MYO1E: variants seen among roughly 807,000 people sequenced by gnomAD.
The protein encoded by MYO1E is unconventional myosin-Ie.
In MYO1E, 68 loss-of-function variants were observed where a neutral mutation model predicts 151.1. That is an observed-to-expected ratio of 0.45 (90% confidence interval 0.37 to 0.55). MYO1E has a LOEUF of 0.55. MYO1E is among the 20% of genes least tolerant of loss of function. The pLI is 0.00. For missense variants in MYO1E, 1,363 were observed against 1,389.3 expected (o/e 0.98, Z 0.30); for synonymous variants, 601 against 501.7 (o/e 1.20, Z -2.64).
chr15:59,305,455 A>G (rs2080509450), intron 1 of MYO1E, among the ~76,000 whole-genome samples: 2 of 152,156 alleles, frequency 1.3e-5, no homozygotes, highest in South Asian at 4.1e-4. Flanking sequence ...TCAGCCTCCC[A>G]AAGTGCTAGG....
At chr15:59,195,273 C>T (rs1596360023) in intron 17 of MYO1E, among the ~76,000 whole-genome samples, 188 bp downstream of exon 17, 1 of 152,328 alleles carries the variant, frequency 6.6e-6, no homozygotes. Flanking sequence ...AATGGCACTG[C>T]TAACATTTTA....
chr15:59,176,157 C>G (rs1180949513), intron 19 of MYO1E, among the ~76,000 whole-genome samples: 1 of 152,172 alleles, frequency 6.6e-6, no homozygotes, highest in Non-Finnish European at 1.5e-5. Flanking sequence ...CTCCTGGGTT[C>G]ACGCCATTCT....
chr15:59,344,988 T>C (rs2140431260), intron 1 of MYO1E, among the ~76,000 whole-genome samples: 1 of 152,318 alleles, frequency 6.6e-6, no homozygotes, highest in Non-Finnish European at 1.5e-5. Context: ...TCAAAATAAC[T>C]TGAAGTACTT....
intron 1 of MYO1E, among the ~76,000 whole-genome samples, chr15:59,371,723 G>A (rs1031795418): frequency 6.6e-6 from 1 of 152,026 alleles, no homozygotes; most frequent in Admixed American, 6.5e-5. Context: ...GAAAAGCCCC[G>A]ATCCCCTCGC....
chr15:59,312,816 C>G (rs963773384), intron 1 of MYO1E, among the ~76,000 whole-genome samples: 1 of 151,966 alleles, frequency 6.6e-6, no homozygotes. Flanking sequence ...GTCTGGAGAT[C>G]GAGACCATCT....
chr15:59,348,540 T>G (rs1279840369), intron 1 of MYO1E: 2 of 152,222 alleles, frequency 1.3e-5, no homozygotes, highest in African/African-American at 4.8e-5. Context: ...GCCCAAGGGT[T>G]GTCATTTTTA....
At chr15:59,215,907 A>C (rs1002811136) in intron 10 of MYO1E, among the ~76,000 whole-genome samples, 1 of 152,128 alleles carries the variant, frequency 6.6e-6, no homozygotes, top group Non-Finnish European at 1.5e-5. Context: ...CCTTGGGCAA[A>C]ACCACCATTG....
At chr15:59,223,315 GAAAA>G (rs10711975) in intron 8 of MYO1E, 124 bp from the exon 9 acceptor site, 392 of 774,258 alleles carry the variant, frequency 5.1e-4, no homozygotes, top group Non-Finnish European at 5.8e-4. Context: ...GAGTTACAAA[GAAAA>G]AAAAAAAAAA....
At position 59,233,293 on chromosome 15, in the gene MYO1E, C is replaced by T. The variant is rs142157108; in HGVS notation, c.421-1502G>A. 1.4e-3 allele frequency among the ~76,000 whole-genome samples: 207 copies of T among 152,284 alleles called. 2 individuals are homozygous for T. The highest frequency in any genetic ancestry group is 9.4e-3 in the Admixed American group (143 of 15,294). On this transcript the variant is annotated intron_variant, in intron 5 of 27. Coordinates refer to ENST00000288235, the MANE Select transcript of MYO1E (RefSeq NM_004998.4). Reference sequence around the variant, plus strand: ...CCGTCCGTCCATATGTATTCATCAACAATCGGTGATGTTCAACAGAATTTT... The same window carrying T: ...CCGTCCGTCCATATGTATTCATCAATAATCGGTGATGTTCAACAGAATTTT...
intron 2 of MYO1E, among the ~76,000 whole-genome samples, chr15:59,269,344 T>C (rs1215062806): frequency 6.6e-6 from 1 of 152,190 alleles, no homozygotes; most frequent in African/African-American, 2.4e-5. Context: ...ACCAAATCTA[T>C]GCAGAGCAAG....
chr15:59,268,857 G>A (rs1158566102), intron 2 of MYO1E, among the ~76,000 whole-genome samples: 1 of 151,258 alleles, frequency 6.6e-6, no homozygotes, highest in Admixed American at 6.6e-5. Context: ...GGTGTTTTGG[G>A]AGTAAACAAT....
At chr15:59,151,889 T>TACACACACAC (rs34550013) in intron 26 of MYO1E, among the ~76,000 whole-genome samples, 16 of 147,244 alleles carry the variant, frequency 1.1e-4, no homozygotes, top group Middle Eastern at 3.5e-3. Context: ...TCTACAAAAA[T>TACACACACAC]ACACACACAC....
At chr15:59,284,860 T>A (rs1474272853) in intron 1 of MYO1E, among the ~76,000 whole-genome samples, 4 of 152,258 alleles carry the variant, frequency 2.6e-5, no homozygotes, top group Admixed American at 2.6e-4. Flanking sequence ...AGCTACAGAA[T>A]AATATGAATC....
intron 1 of MYO1E, among the ~76,000 whole-genome samples, chr15:59,342,247 T>G (rs1271067132): frequency 1.3e-5 from 2 of 152,218 alleles, no homozygotes; most frequent in African/African-American, 4.8e-5. Context: ...ACAGAGTTAT[T>G]TGAGTTCCTT....
rs983948633 is a variant in MYO1E, at chr15:59,324,909, G to T, written c.3+47589C>A. ...CCCATTTACAAAACTTCAAGTAATA[G>T]CTGGATTTGTTTTTACTTTTAGCAC... On this transcript the variant is annotated intron_variant, in intron 1 of 27. Transcript: ENST00000288235. 2.7e-5 allele frequency among the ~76,000 whole-genome samples: 4 copies of T among 146,544 alleles called. No homozygotes were observed. The East Asian group carries it at 7.9e-4, about 29-fold the overall frequency.
chr15:59,199,369 C>T (rs2140332253), intron 16 of MYO1E, among the ~76,000 whole-genome samples: 1 of 152,266 alleles, frequency 6.6e-6, no homozygotes, highest in East Asian at 1.9e-4. Flanking sequence ...AGCCATGAGC[C>T]ACTGTGCCCG....
chr15:59,277,453 G>C (rs1443982515), intron 1 of MYO1E, among the ~76,000 whole-genome samples: 1 of 151,094 alleles, frequency 6.6e-6, no homozygotes, highest in South Asian at 2.1e-4. Flanking sequence ...GCTGAGGCAG[G>C]AGAATTGCTT....
At chr15:59,218,796 G>A (rs756176033) in intron 9 of MYO1E, among the ~76,000 whole-genome samples, 11 of 152,174 alleles carry the variant, frequency 7.2e-5, no homozygotes, top group African/African-American at 1.4e-4. Flanking sequence ...TGGGTGTAAA[G>A]GATGAATACG....
intron 1 of MYO1E, among the ~76,000 whole-genome samples, chr15:59,363,503 G>A (rs1479423835): frequency 1.3e-5 from 2 of 152,122 alleles, no homozygotes; most frequent in Non-Finnish European, 2.9e-5. Flanking sequence ...TAATGAAAAA[G>A]TATACAAATA....
Sources: allele counts gnomAD v4.1 joint callset (sites outside exome capture counted in the v4.1 genomes callset), GRCh38; gene constraint gnomAD v4.1.1; transcripts MANE v1.5; gene names NCBI Gene and HGNC (gene_info 2026-07-23, HGNC 2026-07-21).